TMEM182: variants seen among roughly 807,000 people sequenced by gnomAD.
TMEM182 encodes the protein transmembrane protein 182.
TMEM182 carries 20 observed loss-of-function variants against 26.8 expected under a neutral mutation model. That is an observed-to-expected ratio of 0.75 (90% CI 0.53 to 1.09). The LOEUF is 1.09. Among genes scored for constraint, TMEM182 ranks in the 50% least tolerant of loss-of-function variants. The pLI is 0.00. For synonymous variants in TMEM182, 109 were observed against 102.2 expected, an observed-to-expected ratio of 1.07 and a Z score of -0.40; for missense variants, 277 against 275.5, an observed-to-expected ratio of 1.01 and a Z score of -0.04.
chr2:102,833,131 G>A (rs549877407), intron 3 of TMEM182, among the ~76,000 whole-genome samples: 2 of 152,334 alleles, frequency 1.3e-5, no homozygotes, highest in South Asian at 2.1e-4. Flanking sequence ...TCAGGGAGGA[G>A]CTCCCCTTTC....
chr2:102,789,887 C>G (rs1476382300), intron 3 of TMEM182, among the ~76,000 whole-genome samples: 1 of 152,114 alleles, frequency 6.6e-6, no homozygotes, highest in East Asian at 1.9e-4. Flanking sequence ...ACCCCACATT[C>G]CATGGAACTC....
At chr2:102,786,001 C>A (rs1230762520) in intron 3 of TMEM182, among the ~76,000 whole-genome samples, 1 of 149,582 alleles carries the variant, frequency 6.7e-6, no homozygotes, top group East Asian at 2.0e-4. Context: ...CCTATCATGG[C>A]TTAGTCTAAA....
At chr2:102,812,309 C>G (rs1682580895) in intron 4 of TMEM182, among the ~76,000 whole-genome samples, 1 of 151,564 alleles carries the variant, frequency 6.6e-6, no homozygotes, top group African/African-American at 2.4e-5. Flanking sequence ...GCTTCCATAT[C>G]CACTAAACCA....
intron 3 of TMEM182, among the ~76,000 whole-genome samples, chr2:102,822,891 G>GAAGAAAGAAGA (rs140053299): frequency 1.3e-5 from 2 of 152,068 alleles, no homozygotes; most frequent in Non-Finnish European, 2.9e-5. Context: ...AAAAGAAGAA[G>GAAGAAAGAAGA]AAGAAAGAAG....
chr2:102,763,707 G>C (rs1183140934), intron 2 of TMEM182, among the ~76,000 whole-genome samples: 1 of 152,160 alleles, frequency 6.6e-6, no homozygotes, highest in Admixed American at 6.5e-5. Context: ...GTCAGACTGT[G>C]CAAGAGGAAG....
intron 1 of TMEM182, among the ~76,000 whole-genome samples, chr2:102,742,408 A>G (rs1055044107): frequency 6.6e-6 from 1 of 152,190 alleles, no homozygotes; most frequent in Non-Finnish European, 1.5e-5. Flanking sequence ...TTCAAGAGGT[A>G]TAAGATACCA....
intron 3 of TMEM182, among the ~76,000 whole-genome samples, chr2:102,768,535 A>AC (rs1341274522): frequency 2.8e-4 from 39 of 141,166 alleles, no homozygotes; most frequent in Non-Finnish European, 4.9e-4. Context: ...AAAAAAAAAA[A>AC]AACACACACA....
intron 3 of TMEM182, chr2:102,775,485 G>A (rs1289595620): frequency 1.3e-5 from 2 of 152,174 alleles, no homozygotes; most frequent in African/African-American, 4.8e-5. Context: ...GCAAAAGACA[G>A]GGATGCCCTC....
chr2:102,803,864 C>T (rs1682244310), intron 4 of TMEM182, among the ~76,000 whole-genome samples: 1 of 151,936 alleles, frequency 6.6e-6, no homozygotes, highest in Non-Finnish European at 1.5e-5. Flanking sequence ...GCACACGCAG[C>T]CCTGCCGTCC....
At position 102,749,069 on chromosome 2, in the gene TMEM182, T is replaced by C. The variant is rs149140925; in HGVS notation, c.-82-9320T>C. Among the ~76,000 whole-genome samples the C allele has an allele frequency of 3.3e-5, 5 of 152,330 alleles. No homozygotes were observed. In the East Asian group the frequency reaches 9.6e-4, roughly 29 times the overall value. On this transcript the variant is annotated intron_variant, in intron 1 of 5. Transcript: ENST00000409173. ...AGAGATAAATTTAGTACCCTAAAAT[T>C]GGACATATTTCCAAGAATTAAAACT...
intron 3 of TMEM182, among the ~76,000 whole-genome samples, chr2:102,827,047 C>T (rs912228573): frequency 3.9e-5 from 6 of 152,190 alleles, no homozygotes; most frequent in Non-Finnish European, 7.3e-5. Flanking sequence ...ATGTGGCTTC[C>T]CTTTGAAACG....
chr2:102,780,525 C>A (rs1291885167), intron 3 of TMEM182, among the ~76,000 whole-genome samples: 8 of 152,080 alleles, frequency 5.3e-5, no homozygotes, highest in Non-Finnish European at 2.9e-5. Flanking sequence ...GGGTCCTGAC[C>A]CTCCACTAGG....
At chr2:102,797,244 T>G (rs1553441924) in intron 3 of TMEM182, among the ~76,000 whole-genome samples, 1 of 152,234 alleles carries the variant, frequency 6.6e-6, no homozygotes, top group Non-Finnish European at 1.5e-5. Context: ...ATTATCAGAT[T>G]TGCTTGGAAA....
At chr2:102,769,527 A>G (rs1022642146) in intron 3 of TMEM182, among the ~76,000 whole-genome samples, 2 of 152,180 alleles carry the variant, frequency 1.3e-5, no homozygotes, top group Non-Finnish European at 2.9e-5. Context: ...TGTTTTAATC[A>G]TCATAACTAT....
At chr2:102,753,969 C>CGT (rs1476209265) in intron 1 of TMEM182, among the ~76,000 whole-genome samples, 1 of 152,048 alleles carries the variant, frequency 6.6e-6, no homozygotes. Context: ...ACAATATGAC[C>CGT]GTGTTTTATA....
chr2:102,812,890 A>G (rs1282207688), intron 4 of TMEM182, among the ~76,000 whole-genome samples: 2 of 152,238 alleles, frequency 1.3e-5, no homozygotes, highest in East Asian at 3.8e-4. Context: ...AACACTGTCT[A>G]TATATTTGCT....
At chr2:102,811,651 T>G (rs943308788) in intron 4 of TMEM182, among the ~76,000 whole-genome samples, 3 of 152,226 alleles carry the variant, frequency 2.0e-5, no homozygotes, top group African/African-American at 7.2e-5. Flanking sequence ...TATTCACTCA[T>G]TTATTTATAT....
intron 3 of TMEM182, among the ~76,000 whole-genome samples, chr2:102,840,472 C>G (rs1683327540): frequency 6.6e-6 from 1 of 152,144 alleles, no homozygotes; most frequent in South Asian, 2.1e-4. Flanking sequence ...GCCCCTCCAC[C>G]TAAAACGGGG....
intron 3 of TMEM182, among the ~76,000 whole-genome samples, chr2:102,765,478 G>A (rs1420923592): frequency 6.6e-6 from 1 of 152,100 alleles, no homozygotes; most frequent in Non-Finnish European, 1.5e-5. Flanking sequence ...AAAGCTAATT[G>A]CATCTAAAAA....
Sources: allele counts gnomAD v4.1 joint callset (sites outside exome capture counted in the v4.1 genomes callset), GRCh38; gene constraint gnomAD v4.1.1; transcripts MANE v1.5; gene names NCBI Gene and HGNC (gene_info 2026-07-23, HGNC 2026-07-21).